The following PAPOLA variants were observed in gnomAD, a reference collection of about 807,000 sequenced individuals.
PAPOLA encodes poly(A) polymerase alpha.
In PAPOLA, 15 loss-of-function variants were observed where a neutral mutation model predicts 100.6. The ratio of observed to expected loss-of-function variants is 0.15; its 90% confidence interval spans 0.10 to 0.23. The LOEUF (loss-of-function observed/expected upper bound fraction) is 0.23. PAPOLA is among the 10% of genes least tolerant of loss of function. The probability of loss-of-function intolerance (pLI) is 1.00; values close to 1 mark genes in which losing one functional copy is unlikely to be tolerated. For synonymous variants in PAPOLA, 293 were observed against 300.0 expected (o/e 0.98, Z 0.24); for missense variants, 533 against 884.2 (o/e 0.60, Z 5.04).
intron 4 of PAPOLA, chr14:96,526,828 T>TA (rs1456297975): frequency 2.0e-5 from 3 of 152,604 alleles, no homozygotes; most frequent in Admixed American, 2.0e-4. Flanking sequence ...TCTTGTCTTT[T>TA]AGGAAAATGA....
intron 12 of PAPOLA, 190 bp downstream of exon 12, chr14:96,537,250 T>G: frequency 1.8e-6 from 1 of 560,798 alleles, no homozygotes; most frequent in African/African-American, 1.9e-5. Context: ...CCCCTTTGAT[T>G]TTTCTGCCCG....
rs1191014599 is a variant in PAPOLA, at chr14:96,531,732, C to CAGAA, written c.607+147_607+150dup. ...AAAATGAACTTTGCCTAATAAACTACAGAAGAGTATGTAGTAGTTTATTTC... is the reference window on the plus strand; with the variant it reads ...AAAATGAACTTTGCCTAATAAACTACAGAAAGAAGAGTATGTAGTAGTTTATTTC... On this transcript the variant is annotated intron_variant, in intron 7 of 21. Transcript: ENST00000216277. The CAGAA allele has an allele frequency of 3.3e-6, 5 of 1,495,204 alleles. No homozygotes were observed. The African/African-American group carries it at 7.0e-5, about 21-fold the overall frequency. 92.6% of individuals were successfully genotyped at this position (1,495,204 alleles called of 1,614,324 possible).
intron 12 of PAPOLA, among the ~76,000 whole-genome samples, chr14:96,538,395 A>G (rs1899709989): frequency 6.6e-6 from 1 of 152,068 alleles, no homozygotes. Flanking sequence ...AATTCACATC[A>G]TTAGAACTTT....
At chr14:96,556,148 G>C in intron 18 of PAPOLA, 27 bp from the exon 19 acceptor site, 2 of 1,538,982 alleles carry the variant, frequency 1.3e-6, no homozygotes, top group Non-Finnish European at 1.8e-6. Flanking sequence ...ATTTTAATTT[G>C]TATATACTCA....
intron 9 of PAPOLA, 24 bp downstream of exon 9, chr14:96,532,673 A>G: frequency 6.4e-7 from 1 of 1,555,322 alleles, no homozygotes; most frequent in Non-Finnish European, 8.6e-7. Context: ...TTATATTAAA[A>G]TAAAATTGAT....
intron 1 of PAPOLA, 46 bp downstream of exon 1, chr14:96,502,646 TG>T (rs1178313946): frequency 4.5e-6 from 7 of 1,556,662 alleles, no homozygotes; most frequent in Middle Eastern, 1.9e-4. Flanking sequence ...GGCTGGGCCT[TG>T]GGGGGCGTCC....
chr14:96,549,469 C>T (rs539924881), intron 16 of PAPOLA, among the ~76,000 whole-genome samples: 34 of 152,110 alleles, frequency 2.2e-4, no homozygotes, highest in Non-Finnish European at 4.3e-4. Context: ...AGGATGGTCT[C>T]GATCTCCTGG....
intron 6 of PAPOLA, among the ~76,000 whole-genome samples, chr14:96,530,238 C>T (rs1898873456): frequency 6.6e-6 from 1 of 152,072 alleles, no homozygotes. Context: ...AACTTTAATT[C>T]AGCATATGTA....
chr14:96,522,112 C>CTTTTTTTTTT lies in PAPOLA; in HGVS notation c.249+1043_249+1044insTTTTTTTTTT, dbSNP rs1350167869. Among the ~76,000 whole-genome samples, 91 of 98,678 alleles carry CTTTTTTTTTT rather than the reference C, an allele frequency of 9.2e-4. 5 individuals are homozygous for CTTTTTTTTTT. The highest frequency in any genetic ancestry group is 2.0e-3 in the African/African-American group (39 of 19,688). 64.7% of individuals were successfully genotyped at this position (98,678 alleles called of 152,430 possible). A position where few individuals can be genotyped will look rare whatever the true frequency, so the allele number is the denominator to read the frequency against. The stretch of plus-strand genomic sequence containing the variant: ...GCCACTGCATCTAGCCTCTTTCTTT[C>CTTTTTTTTTT]TTTCTTTTTTTTTTTTTTTTTTTTT... On this transcript the variant is annotated intron_variant, in intron 3 of 21. Coordinates refer to ENST00000216277, the MANE Select transcript of PAPOLA (RefSeq NM_032632.5).
intron 21 of PAPOLA, among the ~76,000 whole-genome samples, 174 bp downstream of exon 21, chr14:96,563,067 C>T (rs181764654): frequency 3.1e-4 from 47 of 152,244 alleles, no homozygotes; most frequent in African/African-American, 8.2e-4. Context: ...CTGGATTTGA[C>T]GGAACCGTTC....
chr14:96,524,131 T>G (rs1898256732), intron 3 of PAPOLA, among the ~76,000 whole-genome samples: 1 of 152,080 alleles, frequency 6.6e-6, no homozygotes, highest in Non-Finnish European at 1.5e-5. Flanking sequence ...GGGTGGTCTT[T>G]TACATGTTTT....
intron 2 of PAPOLA, among the ~76,000 whole-genome samples, 180 bp downstream of exon 2, chr14:96,520,408 G>A (rs1897852200): frequency 6.6e-6 from 1 of 152,096 alleles, no homozygotes. Flanking sequence ...ACGGAGTCTT[G>A]CTCGTTACCC....
chr14:96,502,703 C>T, intron 1 of PAPOLA, 103 bp downstream of exon 1: 1 of 1,311,264 alleles, frequency 7.6e-7, no homozygotes, highest in Non-Finnish European at 1.0e-6. Context: ...CGAGCCCGAC[C>T]CTCCCCGCTG....
intron 7 of PAPOLA, 160 bp from the exon 8 acceptor site, chr14:96,532,171 G>A (rs1813029046): frequency 2.1e-6 from 3 of 1,400,650 alleles, no homozygotes; most frequent in Non-Finnish European, 9.2e-7. Context: ...AGCTTTACTG[G>A]TTCTACCAAA....
At chr14:96,533,509 T>A (rs866258665) in intron 9 of PAPOLA, 174 of 953,518 alleles carry the variant, frequency 1.8e-4, no homozygotes, top group Non-Finnish European at 2.1e-4. Context: ...GTAGCACTTA[T>A]AATCAGGTGT....
intron 12 of PAPOLA, among the ~76,000 whole-genome samples, chr14:96,539,823 T>C (rs1899836294): frequency 6.6e-6 from 1 of 152,170 alleles, no homozygotes; most frequent in African/African-American, 2.4e-5. Flanking sequence ...AAATTAAAAA[T>C]AGAGATATTT....
intron 1 of PAPOLA, among the ~76,000 whole-genome samples, chr14:96,514,375 G>T (rs950630339): frequency 2.6e-5 from 4 of 151,760 alleles, no homozygotes; most frequent in Non-Finnish European, 4.4e-5. Flanking sequence ...TAGAGACGGG[G>T]TTTCACTGTG....
intron 1 of PAPOLA, among the ~76,000 whole-genome samples, chr14:96,503,745 A>AT (rs150806354): frequency 3.3e-4 from 49 of 148,668 alleles, no homozygotes; most frequent in South Asian, 1.9e-3. Flanking sequence ...ACTCAGGTCT[A>AT]TTTTTTTTTT....
intron 1 of PAPOLA, 50 bp from the exon 2 acceptor site, chr14:96,520,005 T>G (rs1216850989): frequency 1.4e-6 from 2 of 1,454,504 alleles, no homozygotes; most frequent in South Asian, 1.3e-5. Context: ...CTGATTTGTT[T>G]CAAATTGTAG....
Sources: gnomAD v4.1 joint callset for allele counts (sites outside exome capture counted in the v4.1 genomes callset) on GRCh38, gnomAD v4.1.1 for gene constraint, MANE v1.5 for transcripts, NCBI Gene and HGNC (gene_info 2026-07-23, HGNC 2026-07-21) for gene names.